Variants in ROBO1 observed in about 807,000 individuals in gnomAD.
The protein encoded by ROBO1 is roundabout homolog 1.
In ROBO1, 149 loss-of-function variants were observed where a neutral mutation model predicts 195.9. The ratio of observed to expected loss-of-function variants is 0.76; its 90% CI spans 0.67 to 0.87. The LOEUF is 0.87. ROBO1 is among the 40% of genes least tolerant of loss of function. The pLI, the probability that ROBO1 is intolerant of heterozygous loss-of-function variation, is 0.00. For missense variants in ROBO1, 1,933 were observed against 2,068.3 expected, an observed-to-expected ratio of 0.93 and a Z score of 1.27; for synonymous variants, 816 against 733.2, an observed-to-expected ratio of 1.11 and a Z score of -1.82.
chr3:78,672,911 T>C (rs1708148289), intron 10 of ROBO1, among the ~76,000 whole-genome samples: 1 of 152,192 alleles, frequency 6.6e-6, no homozygotes, highest in South Asian at 2.1e-4. Context: ...TCAGAAAATG[T>C]TAGCACCATA....
chr3:78,777,913 G>A (rs566788060), intron 4 of ROBO1, among the ~76,000 whole-genome samples: 103 of 152,204 alleles, frequency 6.8e-4, no homozygotes, highest in African/African-American at 2.4e-3. Context: ...GCCTTGTGCC[G>A]GTTTTCAAAG....
At chr3:79,439,425 A>G (rs2038986134) in intron 2 of ROBO1, among the ~76,000 whole-genome samples, 2 of 152,084 alleles carry the variant, frequency 1.3e-5, no homozygotes, top group South Asian at 4.1e-4. Context: ...AATTTAAATA[A>G]CTCACATAAA....
intron 4 of ROBO1, among the ~76,000 whole-genome samples, chr3:78,868,023 TATCAAAA>T (rs2035289889): frequency 6.6e-6 from 1 of 152,156 alleles, no homozygotes; most frequent in Admixed American, 6.5e-5. Flanking sequence ...AGTTGTAGCA[TATCAAAA>T]ATGAATCATG....
chr3:79,499,041 C>T (rs957639764), intron 2 of ROBO1, among the ~76,000 whole-genome samples: 12 of 152,118 alleles, frequency 7.9e-5, no homozygotes, highest in Admixed American at 6.5e-5. Context: ...GTCGCCCAGG[C>T]TGGAGTGCAA....
At chr3:79,502,451 GCAGGGCTCGGGACCTGTAGCCCGC>G (rs1940136707) in intron 2 of ROBO1, among the ~76,000 whole-genome samples, 1 of 152,124 alleles carries the variant, frequency 6.6e-6, no homozygotes, top group African/African-American at 2.4e-5. Context: ...TCCCCGCGGG[GCAGGGCTCGGGACCTGTAGCCCGC>G]CATGCCTGAG....
chr3:78,968,571 A>T (rs2076697348), intron 3 of ROBO1, among the ~76,000 whole-genome samples: 1 of 151,950 alleles, frequency 6.6e-6, no homozygotes, highest in South Asian at 2.1e-4. Context: ...CTTAAATAAA[A>T]TAGATATTTT....
At chr3:79,699,825 T>C (rs146726479) in intron 1 of ROBO1, among the ~76,000 whole-genome samples, 13 of 151,774 alleles carry the variant, frequency 8.6e-5, no homozygotes, top group African/African-American at 3.1e-4. Flanking sequence ...CTTTGGTCCA[T>C]TTTTTAAATA....
intron 1 of ROBO1, among the ~76,000 whole-genome samples, chr3:79,748,042 CA>C (rs942193076): frequency 8.1e-5 from 12 of 148,354 alleles, no homozygotes; most frequent in South Asian, 2.1e-4. Flanking sequence ...GTTCAGTAAC[CA>C]AAAAAAAATA....
chr3:79,642,520 C>T (rs1372790772), intron 1 of ROBO1, among the ~76,000 whole-genome samples: 1 of 151,850 alleles, frequency 6.6e-6, no homozygotes, highest in African/African-American at 2.4e-5. Flanking sequence ...TTAAGAGCAG[C>T]AAAAGAAAAG....
chr3:79,055,732 A>T (rs2078794371), intron 3 of ROBO1, among the ~76,000 whole-genome samples: 1 of 152,030 alleles, frequency 6.6e-6, no homozygotes, highest in East Asian at 1.9e-4. Flanking sequence ...TGAAGGGATT[A>T]CTAAACCCCT....
At chr3:79,387,688 T>C (rs2036803639) in intron 2 of ROBO1, among the ~76,000 whole-genome samples, 1 of 116,662 alleles carries the variant, frequency 8.6e-6, no homozygotes, top group African/African-American at 3.1e-5. Context: ...ATGTAATAAG[T>C]ACTCAAATTT....
intron 4 of ROBO1, among the ~76,000 whole-genome samples, chr3:78,865,252 T>C (rs1413836266): frequency 6.6e-6 from 1 of 152,146 alleles, no homozygotes; most frequent in African/African-American, 2.4e-5. Flanking sequence ...TAAATAACAA[T>C]AAATTGCTGT....
intron 3 of ROBO1, among the ~76,000 whole-genome samples, chr3:78,989,406 G>C (rs1053102001): frequency 6.6e-6 from 1 of 152,186 alleles, no homozygotes; most frequent in Admixed American, 6.5e-5. Context: ...TTGAGGTTAG[G>C]AGTTTGAGAC....
intron 2 of ROBO1, among the ~76,000 whole-genome samples, chr3:79,397,028 T>C (rs2037181219): frequency 6.6e-6 from 1 of 152,102 alleles, no homozygotes; most frequent in East Asian, 1.9e-4. Context: ...ATTTAGTCTA[T>C]CTGTCATTCA....
At chr3:78,888,355 T>G (rs1449077202) in intron 4 of ROBO1, among the ~76,000 whole-genome samples, 1 of 152,204 alleles carries the variant, frequency 6.6e-6, no homozygotes, top group Admixed American at 6.6e-5. Flanking sequence ...TATGAGTGTT[T>G]TCAATATTTA....
chr3:78,606,877 C>G lies in ROBO1; in HGVS notation c.4600G>C (p.Val1534Leu), dbSNP rs748995062. 6.2e-7 allele frequency: 1 copy of G among 1,613,874 alleles called. No homozygotes were observed. The highest frequency in any genetic ancestry group is 8.5e-7 in the Non-Finnish European group (1 of 1,179,880). Residue 1534 changes from valine to leucine, a missense_variant, in exon 29 of 31, where the codon GTG becomes CTG. Coordinates refer to ENST00000464233, the MANE Select transcript of ROBO1 (RefSeq NM_002941.4). ...RKGSSYKGRE[V>L]LDGRQVVDMR... is the part of the protein sequence containing the mutation. Reference sequence around the variant, plus strand: ...TCAACAACCTGTCTTCCATCCAACACTTCTCTCCCCTTGTAACTGCTTCCT... The same window carrying G: ...TCAACAACCTGTCTTCCATCCAACAGTTCTCTCCCCTTGTAACTGCTTCCT...
intron 1 of ROBO1, among the ~76,000 whole-genome samples, chr3:79,605,666 C>T (rs1944458844): frequency 6.6e-6 from 1 of 151,986 alleles, no homozygotes; most frequent in Non-Finnish European, 1.5e-5. Flanking sequence ...TTCACAGAAA[C>T]TTAAGCATCG....
intron 2 of ROBO1, among the ~76,000 whole-genome samples, chr3:79,414,224 CTTT>C (rs369741876): frequency 1.4e-5 from 2 of 139,116 alleles, no homozygotes; most frequent in East Asian, 2.2e-4. Flanking sequence ...TCTCCCTCCT[CTTT>C]CTCTTTCTCT....
intron 2 of ROBO1, among the ~76,000 whole-genome samples, chr3:79,173,816 C>T (rs901163544): frequency 2.0e-5 from 3 of 152,128 alleles, no homozygotes; most frequent in African/African-American, 4.8e-5. Flanking sequence ...AGAACCTTTA[C>T]GTCTAGCCAA....
Sources: gnomAD v4.1 joint callset for allele counts (sites outside exome capture counted in the v4.1 genomes callset) on GRCh38, gnomAD v4.1.1 for gene constraint, MANE v1.5 for transcripts, NCBI Gene and HGNC (gene_info 2026-07-23, HGNC 2026-07-21) for gene names.